The following RASAL2 variants were observed in gnomAD, a reference collection of about 807,000 sequenced individuals.
The protein encoded by RASAL2 is RAS protein activator like 2.
Under a neutral mutation model 128.9 loss-of-function variants are expected in RASAL2, and 58 were observed. That is an observed-to-expected ratio of 0.45 (90% CI 0.36 to 0.56). The LOEUF (loss-of-function observed/expected upper bound fraction) is 0.56. Ranked by LOEUF, RASAL2 falls within the 20% of genes least tolerant of loss-of-function variation. RASAL2 has a pLI of 0.00. For synonymous variants in RASAL2, 561 were observed against 580.8 expected (o/e 0.97, Z 0.49); for missense variants, 1,360 against 1,601.6 (o/e 0.85, Z 2.57).
At chr1:178,169,755 T>C (rs751889929) in intron 1 of RASAL2, among the ~76,000 whole-genome samples, 2 of 152,038 alleles carry the variant, frequency 1.3e-5, no homozygotes, top group Non-Finnish European at 2.9e-5. Context: ...GCCTTTAAAA[T>C]GAAGGCTGTG....
chr1:178,280,561 C>T (rs1187108019), intron 1 of RASAL2, among the ~76,000 whole-genome samples: 1 of 151,912 alleles, frequency 6.6e-6, no homozygotes, highest in East Asian at 1.9e-4. Context: ...TAAAGGAGTC[C>T]TGCAGTCAAG....
intron 5 of RASAL2, among the ~76,000 whole-genome samples, chr1:178,429,132 T>G (rs1049961122): frequency 4.6e-5 from 7 of 152,096 alleles, no homozygotes; most frequent in Non-Finnish European, 8.8e-5. Context: ...CTCTTCCAAG[T>G]GCTCACTTGC....
chr1:178,201,758 A>G (rs1571622617), intron 1 of RASAL2, among the ~76,000 whole-genome samples: 1 of 152,296 alleles, frequency 6.6e-6, no homozygotes, highest in African/African-American at 2.4e-5. Context: ...TAGAAGTGAA[A>G]CTGATAGAAG....
chr1:178,149,928 C>T (rs527738866), intron 1 of RASAL2, among the ~76,000 whole-genome samples: 125 of 152,066 alleles, frequency 8.2e-4, no homozygotes, highest in Non-Finnish European at 1.6e-3. Flanking sequence ...TAGAAACTGC[C>T]ACAACCCCCA....
intron 1 of RASAL2, among the ~76,000 whole-genome samples, chr1:178,141,595 G>T (rs962432009): frequency 6.9e-6 from 1 of 145,906 alleles, no homozygotes; most frequent in Admixed American, 6.7e-5. Context: ...GAGGTTGGCC[G>T]TCGACTGCTC....
At chr1:178,094,826 T>TG in intron 1 of RASAL2, 132 bp downstream of exon 1, 2 of 1,115,512 alleles carry the variant, frequency 1.8e-6, no homozygotes, top group Non-Finnish European at 2.5e-6. Context: ...CTTTTTGTTC[T>TG]GGGGGTGCAT....
chr1:178,456,547 A>G (rs1333826052), intron 12 of RASAL2, 174 bp from the exon 13 acceptor site: 3 of 714,608 alleles, frequency 4.2e-6, no homozygotes, highest in South Asian at 3.2e-5. Context: ...TCTCGACGCC[A>G]TGGTTCTGCT....
intron 1 of RASAL2, among the ~76,000 whole-genome samples, chr1:178,269,942 G>T (rs542620881): frequency 5.3e-5 from 8 of 152,232 alleles, no homozygotes; most frequent in Admixed American, 4.6e-4. Context: ...CTCCAGTAGG[G>T]TATTTTTCCT....
intron 1 of RASAL2, among the ~76,000 whole-genome samples, chr1:178,218,890 A>G (rs1663521153): frequency 6.6e-6 from 1 of 152,222 alleles, no homozygotes; most frequent in Admixed American, 6.5e-5. Flanking sequence ...TATCCTTTGA[A>G]GCTTTTAAGC....
rs58641965 is a variant in RASAL2 at position 178,438,102 on chromosome 1, TTGTGTG to T, written c.675-1283_675-1278del. On this transcript the variant is annotated intron_variant, in intron 5 of 17. Transcript: ENST00000367649. ...TGCAGCCTAAACTTTAAATGGTGGC[TTGTGTG>T]TGTGTGTGTGTGTGTGTGTGTGTGT... Among the ~76,000 whole-genome samples, 921 of 142,134 alleles carry T rather than the reference TTGTGTG, an allele frequency of 6.5e-3. 7 individuals carry two copies. The highest frequency in any genetic ancestry group is 0.02 in the African/African-American group (755 of 38,550). The allele number at this position is 142,134 out of a possible 152,430, so 93.2% of individuals were successfully genotyped here.
intron 10 of RASAL2, 107 bp downstream of exon 10, chr1:178,451,822 C>A (rs1489538197): frequency 2.2e-6 from 3 of 1,364,852 alleles, no homozygotes; most frequent in Non-Finnish European, 3.0e-6. Flanking sequence ...AATTATTTTA[C>A]AACCAAAGGG....
At chr1:178,118,020 T>C (rs980750149) in intron 1 of RASAL2, among the ~76,000 whole-genome samples, 8 of 151,908 alleles carry the variant, frequency 5.3e-5, no homozygotes, top group Admixed American at 3.3e-4. Flanking sequence ...AAAAATTAGC[T>C]GGGCACGGTG....
intron 1 of RASAL2, among the ~76,000 whole-genome samples, chr1:178,191,784 C>G (rs1394320304): frequency 6.6e-6 from 1 of 152,016 alleles, no homozygotes; most frequent in East Asian, 1.9e-4. Context: ...GTCCTTAAGA[C>G]CTAGAAAGGT....
At chr1:178,166,461 T>A (rs1306379051) in intron 1 of RASAL2, among the ~76,000 whole-genome samples, 1 of 152,174 alleles carries the variant, frequency 6.6e-6, no homozygotes, top group Non-Finnish European at 1.5e-5. Context: ...GTGTCAATTA[T>A]AATGATTAAA....
intron 1 of RASAL2, among the ~76,000 whole-genome samples, chr1:178,171,307 A>T (rs1318339908): frequency 6.6e-6 from 1 of 151,972 alleles, no homozygotes; most frequent in African/African-American, 2.4e-5. Context: ...AAGAGACACC[A>T]GTAGTTCAGG....
chr1:178,468,242 G>A (rs1244034919), intron 17 of RASAL2, among the ~76,000 whole-genome samples: 2 of 152,190 alleles, frequency 1.3e-5, no homozygotes, highest in East Asian at 3.9e-4. Flanking sequence ...TTTGATAGTG[G>A]CTGATCTAGC....
intron 3 of RASAL2, among the ~76,000 whole-genome samples, chr1:178,382,259 T>C (rs1020916630): frequency 1.9e-4 from 29 of 152,338 alleles, no homozygotes; most frequent in African/African-American, 6.3e-4. Flanking sequence ...CCATTAACTT[T>C]TGTCATTAAG....
chr1:178,317,595 A>C (rs925644325), intron 3 of RASAL2, among the ~76,000 whole-genome samples: 1 of 149,574 alleles, frequency 6.7e-6, no homozygotes, highest in Non-Finnish European at 1.5e-5. Flanking sequence ...TGTTTGTAGT[A>C]TTCTCTGATG....
At chr1:178,154,028 G>A (rs1235484357) in intron 1 of RASAL2, among the ~76,000 whole-genome samples, 3 of 151,788 alleles carry the variant, frequency 2.0e-5, no homozygotes, top group Non-Finnish European at 2.9e-5. Flanking sequence ...TAGAGACAGC[G>A]TTTCACCATG....
Sources: allele counts gnomAD v4.1 joint callset (sites outside exome capture counted in the v4.1 genomes callset), GRCh38; gene constraint gnomAD v4.1.1; transcripts MANE v1.5; gene names NCBI Gene and HGNC (gene_info 2026-07-23, HGNC 2026-07-21).